The following XAGE3 variants were observed in gnomAD, a reference collection of about 807,000 sequenced individuals.
XAGE3 encodes the protein CT12.3.
Under a neutral mutation model 9.2 loss-of-function variants are expected in XAGE3, and 6 were observed. That is an observed-to-expected ratio of 0.65 (90% CI 0.36 to 1.29). XAGE3 has a LOEUF of 1.29. Ranked by LOEUF, XAGE3 falls within the 50% of genes most tolerant of loss-of-function variation. The probability of loss-of-function intolerance (pLI) is 0.03; values close to 1 mark genes in which losing one functional copy is unlikely to be tolerated. For missense variants in XAGE3, 70 were observed against 82.8 expected (o/e 0.85, Z 0.60); for synonymous variants, 26 against 28.2 (o/e 0.92, Z 0.25).
chrX:52,866,566 T>C, intron 2 of XAGE3, 28 bp from the exon 3 acceptor site: 1 of 1,165,464 alleles, frequency 8.6e-7, no homozygotes, highest in Non-Finnish European at 1.2e-6. Flanking sequence ...TGTGTGTGTG[T>C]GTGTGTGTGC....
chrX:52,864,762 A>G lies in XAGE3; in HGVS notation c.313+13T>C, dbSNP rs1224934934. ...TGTGGAAAACAGAAAGCACATAATAATGGATAGCATACCTCCTTCTGGCAT... is the reference window on the plus strand; with the variant it reads ...TGTGGAAAACAGAAAGCACATAATAGTGGATAGCATACCTCCTTCTGGCAT... On this transcript the variant is annotated intron_variant, in intron 4 of 4. Coordinates refer to ENST00000346279, the MANE Select transcript of XAGE3 (RefSeq NM_133179.3). 8.3e-7 allele frequency: 1 copy of G among 1,208,247 alleles called. No individual in the cohort carries two copies. Among genetic ancestry groups the G allele is most frequent in the African/African-American group, 1.8e-5 (1 of 57,096 alleles).
intron 4 of XAGE3, among the ~76,000 whole-genome samples, chrX:52,863,403 CA>C (rs1342314177): frequency 1.8e-5 from 2 of 110,508 alleles, no homozygotes; most frequent in Non-Finnish European, 3.8e-5. Flanking sequence ...AATAGTCGGG[CA>C]AAAAAAGAAA....
intron 1 of XAGE3, 135 bp downstream of exon 1, chrX:52,867,871 G>A (rs1927933059): frequency 1.8e-5 from 2 of 111,352 alleles, no homozygotes; most frequent in African/African-American, 6.5e-5. Flanking sequence ...ACCTCACGAG[G>A]AGAAGGACGA....
Position 52,866,473 on chromosome X carries a change from A to C in XAGE3, c.147T>G (p.Gly49=). The C allele has an allele frequency of 8.3e-7, 1 of 1,210,343 alleles. No homozygotes were observed. Among genetic ancestry groups the C allele is most frequent in the Non-Finnish European group, 1.1e-6 (1 of 895,126 alleles). The change falls in exon 3 of 5, where the codon GGT becomes GGG. Residue 49 remains glycine (G), a synonymous_variant. Coordinates refer to ENST00000346279, the MANE Select transcript of XAGE3 (RefSeq NM_133179.3). ...PPTESRDPAP[G]QEREEDQGAA... is the part of the protein sequence containing the mutation. ...CACCCTGATCTTCTTCTCTCTCCTG[A>C]CCAGGTGCAGGATCCCGACTTTCAG...
chrX:52,867,526 G>C (rs1158821642), intron 1 of XAGE3, among the ~76,000 whole-genome samples: 1 of 111,028 alleles, frequency 9.0e-6, no homozygotes, highest in Non-Finnish European at 1.9e-5. Context: ...GGAATGCAGA[G>C]CCCCGCCCAT....
At chrX:52,866,574 TGCAGATAAAAA>T (rs1927896133) in intron 2 of XAGE3, 36 bp from the exon 3 acceptor site, 1 of 1,087,524 alleles carries the variant, frequency 9.2e-7, no homozygotes, top group Non-Finnish European at 1.2e-6. Context: ...TGTGTGTGTG[TGCAGATAAAAA>T]GTTTTGTTAT....
chrX:52,864,551 G>A (rs1927837901), intron 4 of XAGE3, among the ~76,000 whole-genome samples: 1 of 112,062 alleles, frequency 8.9e-6, no homozygotes, highest in Non-Finnish European at 1.9e-5. Flanking sequence ...ATAATCAGAA[G>A]TAAGAATATG....
chrX:52,865,307 T>G (rs1478389893), intron 3 of XAGE3, among the ~76,000 whole-genome samples: 1 of 112,054 alleles, frequency 8.9e-6, no homozygotes, highest in Non-Finnish European at 1.9e-5. Context: ...GAAAATTTTT[T>G]GGTTAAAATT....
chrX:52,862,546 A>C lies in XAGE3; in HGVS notation c.*72T>G. On this transcript the variant is annotated 3_prime_UTR_variant, in exon 5 of 5. Coordinates refer to ENST00000346279, the MANE Select transcript of XAGE3 (RefSeq NM_133179.3). ...AGACTTCTTTGGAGAAAGCTGCAAA[A>C]GTTTATTTCGATATTTTTAAGTCAA... The C allele has an allele frequency of 8.5e-7, 1 of 1,169,635 alleles. No individual in the cohort carries two copies. The highest frequency in any genetic ancestry group is 1.2e-6 in the Non-Finnish European group (1 of 864,213).
At chrX:52,866,654 A>G in intron 2 of XAGE3, 116 bp from the exon 3 acceptor site, 3 of 628,046 alleles carry the variant, frequency 4.8e-6, no homozygotes, top group Non-Finnish European at 7.3e-6. Context: ...TCATAAGTCT[A>G]AAGACATTTC....
chrX:52,867,898 C>A (rs1202233283), intron 1 of XAGE3, 108 bp downstream of exon 1: 1 of 111,613 alleles, frequency 9.0e-6, no homozygotes, highest in East Asian at 2.8e-4. Flanking sequence ...TGAGACCCTT[C>A]GGCCTCTGAG....
chrX:52,864,967 T>A, intron 3 of XAGE3, 67 bp from the exon 4 acceptor site: 1 of 1,157,698 alleles, frequency 8.6e-7, no homozygotes, highest in Non-Finnish European at 1.2e-6. Context: ...AATGATAATA[T>A]TCTTTTCCTC....
At chrX:52,867,367 A>G (rs1556784591) in intron 1 of XAGE3, 1 of 355,561 alleles carries the variant, frequency 2.8e-6, no homozygotes, top group African/African-American at 2.6e-5. Context: ...AAGACAGGAT[A>G]TTTCCGATGA....
chrX:52,866,673 G>T, intron 2 of XAGE3, 135 bp from the exon 3 acceptor site: 3 of 556,975 alleles, frequency 5.4e-6, no homozygotes, highest in South Asian at 6.6e-5. Flanking sequence ...TCTCCAACAC[G>T]ATTCCACATA....
At chrX:52,864,284 A>G (rs1331665372) in intron 4 of XAGE3, among the ~76,000 whole-genome samples, 1 of 112,481 alleles carries the variant, frequency 8.9e-6, no homozygotes, top group African/African-American at 3.2e-5. Flanking sequence ...ATTCTATCCA[A>G]CAGAACATGA....
intron 2 of XAGE3, among the ~76,000 whole-genome samples, 179 bp downstream of exon 2, chrX:52,866,874 A>C (rs1556784520): frequency 1.6e-4 from 18 of 112,633 alleles, no homozygotes; most frequent in Non-Finnish European, 1.9e-5. Context: ...GAAGAACTTA[A>C]TCCTCTTGGA....
chrX:52,865,143 G>A (rs1486396186), intron 3 of XAGE3, among the ~76,000 whole-genome samples: 1 of 111,441 alleles, frequency 9.0e-6, no homozygotes, highest in African/African-American at 3.3e-5. Flanking sequence ...ACTATAAACA[G>A]TGAGTGTCAG....
At chrX:52,866,354 C>T in intron 3 of XAGE3, 79 bp downstream of exon 3, 2 of 983,020 alleles carry the variant, frequency 2.0e-6, no homozygotes, top group Non-Finnish European at 2.9e-6. Context: ...CCTCCTGTTA[C>T]TGGTCATGGC....
At chrX:52,865,301 A>T (rs782216230) in intron 3 of XAGE3, among the ~76,000 whole-genome samples, 3 of 111,969 alleles carry the variant, frequency 2.7e-5, no homozygotes, top group African/African-American at 9.7e-5. Flanking sequence ...TAACTTGAAA[A>T]TTTTTTGGTT....
Sources: gnomAD v4.1 joint callset for allele counts (sites outside exome capture counted in the v4.1 genomes callset) on GRCh38, gnomAD v4.1.1 for gene constraint, MANE v1.5 for transcripts, NCBI Gene and HGNC (gene_info 2026-07-23, HGNC 2026-07-21) for gene names.